ABL1: variants seen among roughly 807,000 people sequenced by gnomAD.
The protein encoded by ABL1 is tyrosine-protein kinase ABL1.
In ABL1, 11 loss-of-function variants were observed where a neutral mutation model predicts 94.7. That is an observed-to-expected ratio of 0.12 (90% CI 0.07 to 0.19). The LOEUF is 0.19. Among genes scored for constraint, ABL1 ranks in the 10% least tolerant of loss-of-function variants. The pLI, the probability that ABL1 is intolerant of heterozygous loss-of-function variation, is 1.00. For missense variants in ABL1, 1,082 were observed against 1,489.4 expected (o/e 0.73, Z 4.50); for synonymous variants, 656 against 622.4 (o/e 1.05, Z -0.80).
rs1471302022 is a variant in ABL1 at position 130,859,690 on chromosome 9, T to C, written c.550-3073T>C. ...TTTCTTTCTTTCCTTTTTTTTTTTT[T>C]TTTTTTTTTTTTTTTTGAGACAGGC... is the stretch of plus-strand genomic sequence containing the variant. On this transcript the variant is annotated intron_variant, in intron 3 of 10. Coordinates refer to ENST00000318560, the MANE Select transcript of ABL1 (RefSeq NM_005157.6). 2.5e-3 allele frequency among the ~76,000 whole-genome samples: 312 copies of C among 126,754 alleles called. 3 individuals are homozygous for C. The highest frequency in any genetic ancestry group is 4.0e-3 in the Non-Finnish European group (235 of 58,434). The allele number at this position is 126,754 out of a possible 152,430, so 83.2% of individuals were successfully genotyped here.
upstream of ABL1, among the ~76,000 whole-genome samples, chr9:130,832,715 C>A (rs557326815): frequency 2.2e-4 from 33 of 152,198 alleles, no homozygotes; most frequent in Non-Finnish European, 4.7e-4. Flanking sequence ...TCTTTAATTT[C>A]TTTCCTTTTC....
intron 1 of ABL1, among the ~76,000 whole-genome samples, chr9:130,845,023 G>A (rs926731877): frequency 6.6e-6 from 1 of 152,168 alleles, no homozygotes; most frequent in Non-Finnish European, 1.5e-5. Context: ...CCTGCACTAA[G>A]GAATTGGCTC....
intron 1 of ABL1, among the ~76,000 whole-genome samples, chr9:130,739,447 A>G (rs1031518909): frequency 1.4e-5 from 2 of 144,532 alleles, no homozygotes; most frequent in African/African-American, 4.9e-5. Context: ...ATAAATGTAA[A>G]AAAAATTTTT....
chr9:130,850,609 C>T (rs1289313394), intron 1 of ABL1, among the ~76,000 whole-genome samples: 1 of 152,148 alleles, frequency 6.6e-6, no homozygotes, highest in Non-Finnish European at 1.5e-5. Context: ...TGTGTTCAAG[C>T]GATTCTCGTG....
chr9:130,806,542 A>G (rs1037037587), intron 1 of ABL1, among the ~76,000 whole-genome samples: 1 of 152,222 alleles, frequency 6.6e-6, no homozygotes. Context: ...AGCAGGGTGC[A>G]GTGATGCACG....
At chr9:130,747,429 GT>G (rs1831902007) in intron 1 of ABL1, among the ~76,000 whole-genome samples, 1 of 151,704 alleles carries the variant, frequency 6.6e-6, no homozygotes, top group Non-Finnish European at 1.5e-5. Flanking sequence ...TTTTGTTTGC[GT>G]GGGGACAGAG....
chr9:130,787,123 C>T (rs1387319967), intron 1 of ABL1, among the ~76,000 whole-genome samples: 1 of 152,172 alleles, frequency 6.6e-6, no homozygotes, highest in Non-Finnish European at 1.5e-5. Context: ...GCATAATACA[C>T]CTTTTCCCAT....
chr9:130,740,109 T>G (rs1297096042), intron 1 of ABL1, among the ~76,000 whole-genome samples: 1 of 152,246 alleles, frequency 6.6e-6, no homozygotes, highest in Non-Finnish European at 1.5e-5. Context: ...GCATGCCAAC[T>G]TCCACTGAAG....
intron 1 of ABL1, among the ~76,000 whole-genome samples, chr9:130,741,854 C>T (rs2855160): frequency 0.52 from 79,087 of 152,032 alleles, 22,139 homozygotes; most frequent in African/African-American, 0.73. Flanking sequence ...ATAAGAACAA[C>T]GTACTGAAAA....
chr9:130,800,969 C>T (rs1486513473), intron 1 of ABL1, among the ~76,000 whole-genome samples: 2 of 148,996 alleles, frequency 1.3e-5, no homozygotes, highest in African/African-American at 2.5e-5. Flanking sequence ...CTCTCTGTGT[C>T]GCCCAGGCTG....
chr9:130,732,159 A>G (rs1831674454), intron 1 of ABL1, among the ~76,000 whole-genome samples: 2 of 151,968 alleles, frequency 1.3e-5, no homozygotes, highest in African/African-American at 4.8e-5. Flanking sequence ...AGTTGAATCT[A>G]CTTGTTTGGC....
intron 10 of ABL1, among the ~76,000 whole-genome samples, chr9:130,882,750 G>A (rs1831482324): frequency 1.3e-5 from 2 of 152,106 alleles, no homozygotes; most frequent in Admixed American, 6.5e-5. Flanking sequence ...TGGCCAGGAT[G>A]GTCTCTATCT....
chr9:130,875,518 T>A (rs780387188), intron 7 of ABL1, among the ~76,000 whole-genome samples: 6 of 152,036 alleles, frequency 3.9e-5, no homozygotes, highest in Non-Finnish European at 5.9e-5. Context: ...TGCTGATCTG[T>A]TAAGTCTCCT....
intron 1 of ABL1, among the ~76,000 whole-genome samples, chr9:130,763,452 A>AG (rs1027880388): frequency 1.3e-5 from 2 of 152,110 alleles, no homozygotes; most frequent in African/African-American, 4.8e-5. Context: ...CTTGCCCTTG[A>AG]GGTCTGTTAG....
At chr9:130,823,945 T>G (rs1830395723) in intron 1 of ABL1, among the ~76,000 whole-genome samples, 2 of 152,186 alleles carry the variant, frequency 1.3e-5, no homozygotes, top group South Asian at 4.1e-4. Context: ...ATTGTTGGCC[T>G]AAGTGTTATT....
At chr9:130,817,932 A>C (rs1370132275) in intron 1 of ABL1, among the ~76,000 whole-genome samples, 2 of 152,192 alleles carry the variant, frequency 1.3e-5, no homozygotes, top group African/African-American at 4.8e-5. Flanking sequence ...TGTGGACATA[A>C]GTTTTCATTT....
rs559827035 is a variant in ABL1, at chr9:130,860,144, A to G, written c.550-2619A>G. ...TACTTTCTTCCCTGAACATGCCATG[A>G]ATTCCTGATGATTACACAGTTCCCC... On this transcript the variant is annotated intron_variant, in intron 3 of 10. Transcript: ENST00000318560. Among the ~76,000 whole-genome samples the G allele has an allele frequency of 2.6e-5, 4 of 152,296 alleles. No individual in the cohort carries two copies. The South Asian group carries it at 6.2e-4, about 24-fold the overall frequency.
intron 3 of ABL1, among the ~76,000 whole-genome samples, chr9:130,861,732 C>T (rs1007382895): frequency 2.0e-5 from 3 of 152,210 alleles, no homozygotes; most frequent in Admixed American, 1.3e-4. Context: ...GTCTTCTTTC[C>T]ACCTTCAGTG....
chr9:130,864,661 A>G (rs913972801), intron 4 of ABL1, among the ~76,000 whole-genome samples: 12 of 152,342 alleles, frequency 7.9e-5, no homozygotes, highest in East Asian at 7.7e-4. Flanking sequence ...TCTGAGACAT[A>G]GGGTGGTCCA....
Sources: allele counts gnomAD v4.1 joint callset (sites outside exome capture counted in the v4.1 genomes callset), GRCh38; gene constraint gnomAD v4.1.1; transcripts MANE v1.5; gene names NCBI Gene and HGNC (gene_info 2026-07-23, HGNC 2026-07-21).